Variants in STAM observed in about 807,000 individuals in gnomAD.
STAM encodes signal transducing adapter molecule 1.
In STAM, 16 loss-of-function variants were observed where a neutral mutation model predicts 63.4. The ratio of observed to expected loss-of-function variants is 0.25; its 90% CI spans 0.17 to 0.38. The LOEUF (loss-of-function observed/expected upper bound fraction) is 0.38. Ranked by LOEUF, STAM falls within the 10% of genes least tolerant of loss-of-function variation. The pLI, the probability that STAM is intolerant of heterozygous loss-of-function variation, is 1.00. For synonymous variants in STAM, 238 were observed against 223.9 expected (o/e 1.06, Z -0.56); for missense variants, 636 against 657.1 (o/e 0.97, Z 0.35).
intron 7 of STAM, 104 bp downstream of exon 7, chr10:17,695,345 G>T: frequency 9.2e-7 from 1 of 1,084,304 alleles, no homozygotes; most frequent in South Asian, 1.6e-5. Flanking sequence ...AATAAATATT[G>T]ACCCAGATGC....
At position 17,705,615 on chromosome 10, in the gene STAM, T is replaced by A; in HGVS notation, c.1083T>A (p.Asn361Lys). ...DRKHSELSEL[N>K]VKVMEALSLY... Reference sequence around the variant, plus strand: ...AACATTCAGAACTCTCAGAACTTAATGTGAAAGTGATGGAGGCCCTTTCCT... The same window carrying A: ...AACATTCAGAACTCTCAGAACTTAAAGTGAAAGTGATGGAGGCCCTTTCCT... The change falls in exon 12 of 14, where the codon AAT becomes AAA. Residue 361 changes from asparagine to lysine, a missense_variant. By Grantham distance (94) the Asn-to-Lys change is moderately conservative (BLOSUM62 0). Around this residue, in one of 3 missense-constraint regions of STAM, gnomAD observed 532 missense variants for 536.9 expected, o/e 0.99. Transcript: ENST00000377524. The A allele has an allele frequency of 6.2e-7, 1 of 1,613,396 alleles. No homozygotes were observed. The highest frequency in any genetic ancestry group is 8.5e-7 in the Non-Finnish European group (1 of 1,179,846).
In STAM at chr10:17,688,119, A is replaced by C. The variant is rs1360442461; in HGVS notation, c.390A>C (p.Ala130=). The change falls in exon 5 of 14, where the codon GCA becomes GCC. Residue 130 remains alanine, a synonymous_variant. Transcript: ENST00000377524. ...KNDPQLSLIS[A]MIKNLKEQGV... is the part of the protein sequence containing the mutation. The stretch of plus-strand genomic sequence containing the variant: ...ATCCACAGCTTAGTCTAATATCAGC[A>C]ATGATTAAGAACCTTAAGGAACAAG... The C allele has an allele frequency of 6.2e-7, 1 of 1,603,252 alleles. No individual in the cohort carries two copies. The highest frequency in any genetic ancestry group is 8.5e-7 in the Non-Finnish European group (1 of 1,174,992).
At position 17,708,874 on chromosome 10, in the gene STAM, T is replaced by A; in HGVS notation, c.1308T>A (p.Ser436=). 1 of 1,614,182 alleles carries A rather than the reference T, an allele frequency of 6.2e-7. No individual in the cohort carries two copies. The highest frequency in any genetic ancestry group is 8.5e-7 in the Non-Finnish European group (1 of 1,180,010). Residue 436 remains serine (S), a synonymous_variant, in exon 13 of 14, where the codon TCT becomes TCA. Transcript: ENST00000377524. ...ACAGTCTTCCCCCGGAGCAGCTGTC[T>A]TCTCTCAGCCAGGCAGTGGTCCCAC... ...QSYSLPPEQL[S]SLSQAVVPPS...
chr10:17,653,963 A>G (rs984774285), intron 1 of STAM, among the ~76,000 whole-genome samples: 4 of 152,152 alleles, frequency 2.6e-5, no homozygotes, highest in Admixed American at 1.3e-4. Context: ...GTGAATTATC[A>G]ATCCTGAAGG....
At chr10:17,714,402 T>G (rs1436806744) in intron 13 of STAM, 141 bp from the exon 14 acceptor site, 18 of 778,562 alleles carry the variant, frequency 2.3e-5, no homozygotes, top group African/African-American at 3.4e-5. Flanking sequence ...TAACAATGTT[T>G]GGCACATTAT....
At chr10:17,652,376 C>T (rs1833774731) in intron 1 of STAM, among the ~76,000 whole-genome samples, 1 of 152,102 alleles carries the variant, frequency 6.6e-6, no homozygotes, top group Non-Finnish European at 1.5e-5. Context: ...TCTGATCCAT[C>T]CATACAAATA....
At chr10:17,650,012 G>T (rs1210391642) in intron 1 of STAM, among the ~76,000 whole-genome samples, 1 of 152,150 alleles carries the variant, frequency 6.6e-6, no homozygotes, top group Non-Finnish European at 1.5e-5. Context: ...ATATGTCTTT[G>T]TTTCTATAAT....
intron 8 of STAM, among the ~76,000 whole-genome samples, chr10:17,697,190 A>G (rs1554827683): frequency 6.6e-6 from 1 of 152,216 alleles, no homozygotes; most frequent in Non-Finnish European, 1.5e-5. Flanking sequence ...CAGTCTCCCA[A>G]AGTGGTGGGA....
rs1835932117 is a variant in STAM, at chr10:17,700,244, A to G, written c.877A>G (p.Ile293Val). 3 of 1,610,426 alleles carry G rather than the reference A, an allele frequency of 1.9e-6. No homozygotes were observed. The highest frequency in any genetic ancestry group is 2.5e-6 in the Non-Finnish European group (3 of 1,178,094). Reference sequence around the variant, plus strand: ...TAGTGATGATGTTCAGGTAGAGACAATAGAACCAGAGCCGGAACCAGCCTT... The same window carrying G: ...TAGTGATGATGTTCAGGTAGAGACAGTAGAACCAGAGCCGGAACCAGCCTT... ...QFSDDVQVETIEPEPEPAFID... is the reference protein window; with the variant it reads ...QFSDDVQVETVEPEPEPAFID... Residue 293 changes from isoleucine to valine, a missense_variant, in exon 9 of 14, where the codon ATA becomes GTA. Physicochemically the swap from Ile to Val is conservative, Grantham distance 29. Coordinates refer to ENST00000377524, the MANE Select transcript of STAM (RefSeq NM_003473.4).
At chr10:17,675,503 C>CA (rs199745685) in intron 2 of STAM, among the ~76,000 whole-genome samples, 18,110 of 110,582 alleles carry the variant, frequency 0.16, 1,254 homozygotes, top group East Asian at 0.3. Flanking sequence ...GACTCTGTCT[C>CA]AAAAAAAAAA....
At chr10:17,669,643 T>A (rs569826927) in intron 2 of STAM, among the ~76,000 whole-genome samples, 1 of 152,008 alleles carries the variant, frequency 6.6e-6, no homozygotes, top group South Asian at 2.1e-4. Flanking sequence ...TTTTTGCTGC[T>A]GTTTCAGTGG....
At chr10:17,700,654 G>T (rs1835954047) in intron 9 of STAM, among the ~76,000 whole-genome samples, 1 of 150,720 alleles carries the variant, frequency 6.6e-6, no homozygotes, top group African/African-American at 2.4e-5. Flanking sequence ...TGAAACTATT[G>T]AGTTGAAGGA....
chr10:17,647,204 A>G (rs995251213), intron 1 of STAM, among the ~76,000 whole-genome samples: 4 of 152,244 alleles, frequency 2.6e-5, no homozygotes, highest in African/African-American at 9.6e-5. Flanking sequence ...TTTGGACATT[A>G]TAATTCAAGA....
chr10:17,703,757 TTCC>T (rs1836126601), intron 9 of STAM, among the ~76,000 whole-genome samples: 1 of 152,180 alleles, frequency 6.6e-6, no homozygotes, highest in Non-Finnish European at 1.5e-5. Context: ...GTCTTCCTCC[TTCC>T]TTTTATGACC....
rs191739694 is a variant in STAM at position 17,705,190 on chromosome 10, T to C, written c.1055+166T>C. Among the ~76,000 whole-genome samples, 1,088 of 152,342 alleles carry C rather than the reference T, an allele frequency of 7.1e-3. 11 individuals carry two copies. Among genetic ancestry groups the C allele is most frequent in the African/African-American group, 0.025 (1,034 of 41,576 alleles). ...TGGAGAATTAGACTCATTTGTCCTTTTTTTTAAAGTGAGGATTTGATCGAC... is the reference window on the plus strand; with the variant it reads ...TGGAGAATTAGACTCATTTGTCCTTCTTTTTAAAGTGAGGATTTGATCGAC... On this transcript the variant is annotated intron_variant, in intron 11 of 13. Coordinates refer to ENST00000377524, the MANE Select transcript of STAM (RefSeq NM_003473.4).
rs937840488 is a variant in STAM, at chr10:17,691,814, T to A, written c.445-1408T>A. Among the ~76,000 whole-genome samples the A allele has an allele frequency of 5.9e-5, 9 of 152,182 alleles. No individual in the cohort carries two copies. The South Asian group carries it at 1.9e-3, about 32-fold the overall frequency. On this transcript the variant is annotated intron_variant, in intron 5 of 13. Coordinates refer to ENST00000377524, the MANE Select transcript of STAM (RefSeq NM_003473.4). Reference sequence around the variant, plus strand: ...TGGCAATTTGAATGTGTTTTAGAATTTCATTTTTAAATTGTTTGCCCTGGG... The same window carrying A: ...TGGCAATTTGAATGTGTTTTAGAATATCATTTTTAAATTGTTTGCCCTGGG...
At chr10:17,657,594 G>T (rs1339847458) in intron 1 of STAM, among the ~76,000 whole-genome samples, 3 of 152,280 alleles carry the variant, frequency 2.0e-5, no homozygotes, top group Admixed American at 6.5e-5. Context: ...ATCTGGGCCT[G>T]TGCTTTCTGT....
intron 5 of STAM, among the ~76,000 whole-genome samples, chr10:17,692,771 G>GAT (rs1835594656): frequency 6.6e-6 from 1 of 151,980 alleles, no homozygotes; most frequent in East Asian, 1.9e-4. Flanking sequence ...AGTTCCTGAA[G>GAT]ATAACATCCT....
At chr10:17,650,831 C>T (rs540148252) in intron 1 of STAM, among the ~76,000 whole-genome samples, 19 of 152,144 alleles carry the variant, frequency 1.2e-4, no homozygotes, top group Admixed American at 2.6e-4. Context: ...TTTGGGAGGC[C>T]GAGGTGGGCG....
Sources: gnomAD v4.1 joint callset for allele counts (sites outside exome capture counted in the v4.1 genomes callset) on GRCh38, gnomAD v4.1.1 for gene constraint, gnomAD v4.1.1 regional missense constraint, MANE v1.5 for transcripts, NCBI Gene and HGNC (gene_info 2026-07-23, HGNC 2026-07-21) for gene names.